Variants in LRIF1 observed in about 807,000 individuals in gnomAD.
LRIF1 encodes the protein ligand-dependent nuclear receptor-interacting factor 1.
In LRIF1, 32 loss-of-function variants were observed where a neutral mutation model predicts 52.7. That is an observed-to-expected ratio of 0.61 (90% CI 0.46 to 0.82). The LOEUF is 0.82. Ranked by LOEUF, LRIF1 falls within the 40% of genes least tolerant of loss-of-function variation. The pLI, the probability that LRIF1 is intolerant of heterozygous loss-of-function variation, is 0.00. For synonymous variants in LRIF1, 323 were observed against 317.4 expected, an observed-to-expected ratio of 1.02 and a Z score of -0.19; for missense variants, 887 against 892.0, an observed-to-expected ratio of 0.99 and a Z score of 0.07.
chr1:110,959,693 C>T lies in LRIF1; in HGVS notation c.68+3928G>A, dbSNP rs558615091. 2.9e-3 allele frequency among the ~76,000 whole-genome samples: 402 copies of T among 138,854 alleles called. 1 individual carries two copies. Among genetic ancestry groups the T allele is most frequent in the African/African-American group, 0.011 (389 of 36,526 alleles). The allele number at this position is 138,854 out of a possible 152,430, so 91.1% of individuals were successfully genotyped here. ...TGAACCCAGGAGGTCGAGGTTGCAG[C>T]GAGCCACTGCACTCCACCTGGCGAC... On this transcript the variant is annotated intron_variant, in intron 1 of 3. Coordinates refer to ENST00000369763, the MANE Select transcript of LRIF1 (RefSeq NM_018372.4).
chr1:110,911,683 T>C, the LRIF1 span, among the ~76,000 whole-genome samples: 5 of 152,152 alleles, frequency 3.3e-5, no homozygotes, highest in Admixed American at 2.6e-4. Context: ...ATCCCTGGGA[T>C]AAAAGGTTTG....
intron 1 of LRIF1, among the ~76,000 whole-genome samples, chr1:110,956,567 G>A (rs1226896650): frequency 1.3e-5 from 2 of 152,160 alleles, no homozygotes; most frequent in Non-Finnish European, 2.9e-5. Flanking sequence ...ACAGGAACTG[G>A]CATTTAGAAA....
chr1:110,885,436 G>A, the LRIF1 span, among the ~76,000 whole-genome samples: 1 of 152,198 alleles, frequency 6.6e-6, no homozygotes, highest in Non-Finnish European at 1.5e-5. Context: ...CACTCGGGAG[G>A]CTGAGGCAGG....
Position 110,947,804 on chromosome 1 carries a change from CA to C in LRIF1, c.*154del. ...AATTATTCACAAGTCATATGTGAAT[CA>C]ACCTTTTCTGTATTCCTTAAAGTTG... On this transcript the variant is annotated 3_prime_UTR_variant, in exon 4 of 4. Transcript: ENST00000369763. 1 of 1,025,426 alleles carries C rather than the reference CA, an allele frequency of 9.8e-7. No individual in the cohort carries two copies. Among genetic ancestry groups the C allele is most frequent in the Non-Finnish European group, 1.3e-6 (1 of 747,656 alleles). 63.5% of individuals were successfully genotyped at this position (1,025,426 alleles called of 1,614,324 possible).
the LRIF1 span, among the ~76,000 whole-genome samples, chr1:110,926,270 C>T: frequency 6.6e-6 from 1 of 151,754 alleles, no homozygotes; most frequent in African/African-American, 2.4e-5. Context: ...ATCATGACAA[C>T]ACAATATTGG....
At chr1:110,919,002 T>C in the LRIF1 span, among the ~76,000 whole-genome samples, 2 of 152,212 alleles carry the variant, frequency 1.3e-5, no homozygotes, top group African/African-American at 4.8e-5. Flanking sequence ...GAGTTAGACA[T>C]AGCTTAGGTC....
chr1:110,931,434 G>T, the LRIF1 span, among the ~76,000 whole-genome samples: 4 of 152,130 alleles, frequency 2.6e-5, no homozygotes, highest in Non-Finnish European at 5.9e-5. Flanking sequence ...GAATAGTGGC[G>T]CAAGAAACAT....
chr1:110,933,690 G>A, the LRIF1 span, among the ~76,000 whole-genome samples: 2 of 152,174 alleles, frequency 1.3e-5, no homozygotes, highest in Admixed American at 6.5e-5. Flanking sequence ...CGAAACTTGA[G>A]TTAATGCAAA....
chr1:110,963,543 C>A, intron 1 of LRIF1, 78 bp downstream of exon 1: 2 of 1,270,404 alleles, frequency 1.6e-6, no homozygotes, highest in Non-Finnish European at 2.2e-6. Context: ...TACACAGCGT[C>A]CGGAAACGAC....
chr1:110,875,860 C>G, the LRIF1 span, among the ~76,000 whole-genome samples: 7 of 152,168 alleles, frequency 4.6e-5, no homozygotes, highest in Non-Finnish European at 7.4e-5. Flanking sequence ...ATTTGCAAAG[C>G]CAGTGGATGA....
At chr1:110,915,248 G>T in the LRIF1 span, among the ~76,000 whole-genome samples, 1 of 152,288 alleles carries the variant, frequency 6.6e-6, no homozygotes, top group African/African-American at 2.4e-5. Flanking sequence ...CACTTTGGGA[G>T]GCCGAGGCGG....
the LRIF1 span, chr1:110,940,270 C>T: frequency 6.6e-6 from 1 of 152,048 alleles, no homozygotes; most frequent in Non-Finnish European, 1.5e-5. Flanking sequence ...AAAGTCAAAA[C>T]TACAATGAGA....
chr1:110,877,724 G>A, the LRIF1 span, among the ~76,000 whole-genome samples: 1 of 152,166 alleles, frequency 6.6e-6, no homozygotes, highest in African/African-American at 2.4e-5. Context: ...ACAATTTTAG[G>A]AAGGAATAAG....
the LRIF1 span, among the ~76,000 whole-genome samples, chr1:110,886,914 C>T: frequency 7.9e-5 from 11 of 138,854 alleles, no homozygotes; most frequent in African/African-American, 1.6e-4. Context: ...TTTCTCTTGC[C>T]GTCTTCAAGT....
the LRIF1 span, among the ~76,000 whole-genome samples, chr1:110,898,556 C>CA: frequency 1.3e-5 from 2 of 151,962 alleles, no homozygotes; most frequent in Non-Finnish European, 2.9e-5. Flanking sequence ...CCTGATCTTG[C>CA]ATGTTAAGGG....
At chr1:110,879,188 G>T in the LRIF1 span, among the ~76,000 whole-genome samples, 2 of 152,142 alleles carry the variant, frequency 1.3e-5, no homozygotes, top group African/African-American at 4.8e-5. Flanking sequence ...GTCTGAACTT[G>T]ATCTTTCAGT....
At chr1:110,942,954 TAA>T (rs1456234545), downstream of LRIF1, among the ~76,000 whole-genome samples, 2 of 151,850 alleles carry the variant, frequency 1.3e-5, no homozygotes, top group African/African-American at 4.8e-5. Flanking sequence ...AGATGTAAAA[TAA>T]GAGACATAAA....
chr1:110,957,738 A>G (rs918994811), intron 1 of LRIF1, among the ~76,000 whole-genome samples: 9 of 152,178 alleles, frequency 5.9e-5, no homozygotes, highest in African/African-American at 2.2e-4. Context: ...TCCACATCAT[A>G]TAGGTTTCAA....
chr1:110,926,730 A>G, the LRIF1 span, among the ~76,000 whole-genome samples: 1 of 152,170 alleles, frequency 6.6e-6, no homozygotes, highest in African/African-American at 2.4e-5. Context: ...ATTCAACCCC[A>G]ATACATAGCC....
Sources: allele counts gnomAD v4.1 joint callset (sites outside exome capture counted in the v4.1 genomes callset), GRCh38; gene constraint gnomAD v4.1.1; transcripts MANE v1.5; gene names NCBI Gene and HGNC (gene_info 2026-07-23, HGNC 2026-07-21).